Variants in AGBL4 observed in about 807,000 individuals in gnomAD.
AGBL4 encodes the protein cytosolic carboxypeptidase 6.
AGBL4 carries 58 observed loss-of-function variants against 66.4 expected under a neutral mutation model. The observed-to-expected ratio is 0.87, with a 90% CI of 0.71 to 1.09. The LOEUF is 1.09. Ranked by LOEUF, AGBL4 falls within the 50% of genes least tolerant of loss-of-function variation. AGBL4 has a pLI of 0.00. For synonymous variants in AGBL4, 234 were observed against 222.9 expected, an observed-to-expected ratio of 1.05 and a Z score of -0.44; for missense variants, 579 against 631.0, an observed-to-expected ratio of 0.92 and a Z score of 0.88.
intron 9 of AGBL4, among the ~76,000 whole-genome samples, chr1:48,601,319 C>G (rs1485235966): frequency 2.6e-5 from 4 of 152,192 alleles, no homozygotes; most frequent in African/African-American, 9.7e-5. Context: ...AATGAAGTAA[C>G]TGGCTTTGTG....
At chr1:49,664,086 T>C (rs536435267) in intron 3 of AGBL4, among the ~76,000 whole-genome samples, 1 of 152,118 alleles carries the variant, frequency 6.6e-6, no homozygotes, top group South Asian at 2.1e-4. Flanking sequence ...TTATTTTTTA[T>C]AGAATTCAGG....
chr1:49,771,032 C>T (rs763610611), intron 2 of AGBL4, among the ~76,000 whole-genome samples: 6 of 151,952 alleles, frequency 3.9e-5, no homozygotes, highest in Non-Finnish European at 7.4e-5. Context: ...TTATTTCCTT[C>T]CTACTACCAA....
intron 3 of AGBL4, among the ~76,000 whole-genome samples, chr1:49,592,163 G>A (rs2124088289): frequency 6.6e-6 from 1 of 151,530 alleles, no homozygotes; most frequent in East Asian, 2.0e-4. Flanking sequence ...CTACAGAATG[G>A]AAGAAAATAT....
At chr1:49,972,557 G>A (rs1658218892) in intron 1 of AGBL4, among the ~76,000 whole-genome samples, 1 of 152,154 alleles carries the variant, frequency 6.6e-6, no homozygotes, top group African/African-American at 2.4e-5. Context: ...CAAGATGGGA[G>A]GATTGCTTAG....
intron 6 of AGBL4, among the ~76,000 whole-genome samples, chr1:48,744,335 TTCTC>T (rs1184075990): frequency 6.6e-6 from 1 of 152,242 alleles, no homozygotes; most frequent in East Asian, 1.9e-4. Flanking sequence ...CCAAAGTTTC[TTCTC>T]TCTGTGTGGG....
intron 3 of AGBL4, among the ~76,000 whole-genome samples, chr1:49,479,113 G>C (rs1020739290): frequency 6.6e-6 from 1 of 151,916 alleles, no homozygotes; most frequent in African/African-American, 2.4e-5. Flanking sequence ...AAATATAATG[G>C]TAAGAGTAAG....
chr1:49,517,554 A>G (rs1417977068), intron 3 of AGBL4, among the ~76,000 whole-genome samples: 1 of 151,964 alleles, frequency 6.6e-6, no homozygotes, highest in African/African-American at 2.4e-5. Context: ...AAACATTTGT[A>G]ACACTCATAC....
intron 2 of AGBL4, among the ~76,000 whole-genome samples, chr1:49,802,792 C>G (rs1644893717): frequency 6.6e-6 from 1 of 152,140 alleles, no homozygotes; most frequent in Non-Finnish European, 1.5e-5. Flanking sequence ...CTCAACCTGC[C>G]TATCCATCCG....
At chr1:48,704,850 A>T (rs1298878010) in intron 6 of AGBL4, among the ~76,000 whole-genome samples, 1 of 152,240 alleles carries the variant, frequency 6.6e-6, no homozygotes, top group Non-Finnish European at 1.5e-5. Context: ...ATAGTGTAGG[A>T]AGTACATAAG....
At chr1:49,689,357 C>A (rs1478427934) in intron 3 of AGBL4, among the ~76,000 whole-genome samples, 2 of 152,060 alleles carry the variant, frequency 1.3e-5, no homozygotes, top group Non-Finnish European at 2.9e-5. Context: ...ATTCTTGGCA[C>A]TTTTGTCAAA....
At chr1:48,555,085 A>T (rs1157911268) in intron 11 of AGBL4, among the ~76,000 whole-genome samples, 3 of 152,118 alleles carry the variant, frequency 2.0e-5, no homozygotes, top group Non-Finnish European at 4.4e-5. Flanking sequence ...TGGCAGGGGA[A>T]ATAAGGGAAG....
In AGBL4 at chr1:49,852,598, T is replaced by C. The variant is rs376373797; in HGVS notation, c.35-1080A>G. On this transcript the variant is annotated intron_variant, in intron 1 of 13. Coordinates refer to ENST00000371839, the MANE Select transcript of AGBL4 (RefSeq NM_032785.4). ...TATGGGAAAAACAGCCTTACACGAC[T>C]AGGGGAGAAATAACGAACTTATCAC... Among the ~76,000 whole-genome samples the C allele has an allele frequency of 2.6e-5, 4 of 152,128 alleles. 1 individual carries two copies. The highest frequency in any genetic ancestry group is 9.6e-5 in the African/African-American group (4 of 41,524).
At chr1:49,198,410 G>T (rs1368643583) in intron 4 of AGBL4, among the ~76,000 whole-genome samples, 1 of 152,068 alleles carries the variant, frequency 6.6e-6, no homozygotes, top group Non-Finnish European at 1.5e-5. Context: ...GCACAATCTT[G>T]ACTCATTGTA....
chr1:49,068,736 G>T (rs1228811443), intron 4 of AGBL4, among the ~76,000 whole-genome samples: 1 of 152,158 alleles, frequency 6.6e-6, no homozygotes, highest in African/African-American at 2.4e-5. Flanking sequence ...AATCCTTTGG[G>T]TATATACCCA....
At chr1:49,497,118 A>G (rs1159449239) in intron 3 of AGBL4, among the ~76,000 whole-genome samples, 2 of 151,850 alleles carry the variant, frequency 1.3e-5, no homozygotes, top group Admixed American at 1.3e-4. Context: ...CATGTCCCCA[A>G]TTTTTAGTGA....
chr1:49,993,335 C>G (rs1572026075), intron 1 of AGBL4, among the ~76,000 whole-genome samples: 1 of 152,288 alleles, frequency 6.6e-6, no homozygotes, highest in African/African-American at 2.4e-5. Context: ...TTCCTTGATC[C>G]AGAAATCTAG....
chr1:48,977,825 GC>G (rs1659459361), intron 5 of AGBL4, among the ~76,000 whole-genome samples: 1 of 152,116 alleles, frequency 6.6e-6, no homozygotes, highest in South Asian at 2.1e-4. Flanking sequence ...TATCTGCGAA[GC>G]TTTTTAGTGC....
chr1:48,797,066 A>G (rs1645694400), intron 6 of AGBL4, among the ~76,000 whole-genome samples: 1 of 152,198 alleles, frequency 6.6e-6, no homozygotes, highest in Admixed American at 6.5e-5. Context: ...CTTAAAGGCA[A>G]TATGCACCCT....
chr1:48,865,670 A>G (rs1647990951), intron 6 of AGBL4, among the ~76,000 whole-genome samples: 1 of 152,184 alleles, frequency 6.6e-6, no homozygotes, highest in Non-Finnish European at 1.5e-5. Flanking sequence ...AAAGAAATGC[A>G]CTTAACAGAG....
Sources: gnomAD v4.1 joint callset for allele counts (sites outside exome capture counted in the v4.1 genomes callset) on GRCh38, gnomAD v4.1.1 for gene constraint, MANE v1.5 for transcripts, NCBI Gene and HGNC (gene_info 2026-07-23, HGNC 2026-07-21) for gene names.